DENND1B: variants seen among roughly 807,000 people sequenced by gnomAD.
DENND1B encodes DENN domain-containing protein 1B.
DENND1B carries 59 observed loss-of-function variants against 90.1 expected under a neutral mutation model. That is an observed-to-expected ratio of 0.65 (90% CI 0.53 to 0.81). The LOEUF is 0.81. Ranked by LOEUF, DENND1B falls within the 40% of genes least tolerant of loss-of-function variation. The pLI is 0.00. For synonymous variants in DENND1B, 337 were observed against 324.6 expected, an observed-to-expected ratio of 1.04 and a Z score of -0.41; for missense variants, 862 against 912.6, an observed-to-expected ratio of 0.94 and a Z score of 0.71.
chr1:197,581,186 T>C (rs146956769), intron 15 of DENND1B, among the ~76,000 whole-genome samples: 1,759 of 152,316 alleles, frequency 0.012, 34 homozygotes, highest in African/African-American at 0.041. Flanking sequence ...TTTTTACCAA[T>C]TGACTCTTCT....
intron 6 of DENND1B, among the ~76,000 whole-genome samples, chr1:197,655,693 G>A (rs902376162): frequency 6.6e-6 from 1 of 151,954 alleles, no homozygotes; most frequent in Non-Finnish European, 1.5e-5. Flanking sequence ...CACCACACCC[G>A]GCTAATTTTT....
At chr1:197,530,690 G>C (rs750943646) in intron 20 of DENND1B, among the ~76,000 whole-genome samples, 6 of 152,018 alleles carry the variant, frequency 3.9e-5, no homozygotes. Flanking sequence ...ACAGAGACCT[G>C]GAGTTCAAGA....
At chr1:197,511,019 T>C (rs1168685802) in intron 22 of DENND1B, 47 bp from the exon 23 acceptor site, 1 of 1,431,248 alleles carries the variant, frequency 7.0e-7, no homozygotes, top group East Asian at 2.4e-5. Context: ...TTAATAAGCA[T>C]TAATTTAGTT....
At chr1:197,553,773 C>T (rs1178749094) in intron 15 of DENND1B, among the ~76,000 whole-genome samples, 1 of 152,000 alleles carries the variant, frequency 6.6e-6, no homozygotes, top group Non-Finnish European at 1.5e-5. Context: ...CACTGAATGA[C>T]AGGAATTATG....
intron 2 of DENND1B, 137 bp downstream of exon 2, chr1:197,772,731 G>A: frequency 1.5e-6 from 1 of 673,570 alleles, no homozygotes; most frequent in Non-Finnish European, 2.5e-6. Context: ...AGGCTGAGGT[G>A]GGAGGATCAC....
At chr1:197,644,804 A>G (rs1680589483) in intron 9 of DENND1B, among the ~76,000 whole-genome samples, 1 of 152,214 alleles carries the variant, frequency 6.6e-6, no homozygotes, top group South Asian at 2.1e-4. Context: ...TTTGGAAACC[A>G]AACACTCAGT....
chr1:197,573,267 G>A (rs944131134), intron 15 of DENND1B, among the ~76,000 whole-genome samples: 10 of 151,822 alleles, frequency 6.6e-5, no homozygotes, highest in Admixed American at 6.6e-4. Flanking sequence ...GCTTTCTCTT[G>A]TGGGTATTTA....
intron 10 of DENND1B, among the ~76,000 whole-genome samples, chr1:197,630,091 A>G (rs1238269061): frequency 6.6e-6 from 1 of 152,134 alleles, no homozygotes; most frequent in African/African-American, 2.4e-5. Context: ...TCATTCATTT[A>G]TGGTGGGAAT....
At chr1:197,747,259 T>G (rs190543621) in intron 2 of DENND1B, 1 of 634,188 alleles carries the variant, frequency 1.6e-6, no homozygotes, top group Admixed American at 2.2e-5. Context: ...ACACTCTTCA[T>G]AGGCATTTAC....
rs372276051 is a variant in DENND1B at position 197,545,956 on chromosome 1, T to C, written c.1316A>G (p.Lys439Arg). ...GGALFNTAMT[K>R]ATPAVRTAYK... ...TGCTGTCCGTACAGCAGGGGTTGCTTTGGTCATTGCTGTGTTGAACAGTGC... is the reference window on the plus strand; with the variant it reads ...TGCTGTCCGTACAGCAGGGGTTGCTCTGGTCATTGCTGTGTTGAACAGTGC... The change falls in exon 18 of 23, where the codon AAA (lysine) becomes AGA (arginine). Residue 439 changes from lysine to arginine, a missense_variant. Transcript: ENST00000620048. 8.0e-5 allele frequency: 129 copies of C among 1,607,562 alleles called. No homozygotes were observed. The highest frequency in any genetic ancestry group is 9.8e-5 in the Non-Finnish European group (115 of 1,178,556).
intron 5 of DENND1B, among the ~76,000 whole-genome samples, 194 bp downstream of exon 5, chr1:197,671,843 T>C (rs572511663): frequency 1.3e-5 from 2 of 152,256 alleles, no homozygotes; most frequent in South Asian, 4.1e-4. Flanking sequence ...AAAAATCGAT[T>C]ATTTCAAGGA....
chr1:197,621,594 T>C (rs1678167643), intron 10 of DENND1B, among the ~76,000 whole-genome samples: 1 of 151,420 alleles, frequency 6.6e-6, no homozygotes, highest in African/African-American at 2.4e-5. Context: ...AAATGAAATA[T>C]CATATAGTCT....
At chr1:197,707,376 A>C (rs940473484) in intron 3 of DENND1B, among the ~76,000 whole-genome samples, 11 of 152,000 alleles carry the variant, frequency 7.2e-5, no homozygotes, top group African/African-American at 2.7e-4. Context: ...GATTATAATT[A>C]ACAAGAATTT....
chr1:197,597,406 T>A (rs539737096), intron 13 of DENND1B, among the ~76,000 whole-genome samples: 24 of 151,682 alleles, frequency 1.6e-4, no homozygotes, highest in Middle Eastern at 3.4e-3. Context: ...ATAGTTTTTT[T>A]AAAAGATTTT....
chr1:197,677,416 T>TA (rs917416175), intron 3 of DENND1B, among the ~76,000 whole-genome samples: 1 of 152,146 alleles, frequency 6.6e-6, no homozygotes, highest in African/African-American at 2.4e-5. Context: ...TTCTTTTACT[T>TA]ACGGTCCTTA....
chr1:197,564,395 C>CAAAAAAGAA (rs1672438545), intron 15 of DENND1B, among the ~76,000 whole-genome samples: 1 of 63,156 alleles, frequency 1.6e-5, no homozygotes, highest in Non-Finnish European at 2.7e-5. Context: ...CCTCCACCAG[C>CAAAAAAGAA]AAAAAAAAAA....
In DENND1B at chr1:197,611,889, T is replaced by C. The variant is rs1677212308; in HGVS notation, c.819+42A>G. On this transcript the variant is annotated intron_variant, in intron 12 of 22. Transcript: ENST00000620048. ...CAAAACTGTTTTAACTATTATTTTA[T>C]GAGTTAATTTTATCACTGTCTCATG... 1.9e-6 allele frequency: 3 copies of C among 1,549,256 alleles called. No individual in the cohort carries two copies. The South Asian group carries it at 3.4e-5, about 17-fold the overall frequency.
intron 13 of DENND1B, among the ~76,000 whole-genome samples, chr1:197,600,452 C>A (rs538168791): frequency 1.3e-5 from 2 of 151,772 alleles, no homozygotes; most frequent in South Asian, 2.1e-4. Flanking sequence ...GATATGAATA[C>A]CCCTCTGTGG....
rs192198419 is a variant in DENND1B, at chr1:197,641,801, T to C, written c.672+910A>G. 4.4e-3 allele frequency among the ~76,000 whole-genome samples: 671 copies of C among 152,220 alleles called. 10 individuals are homozygous for C. Among genetic ancestry groups the C allele is most frequent in the African/African-American group, 0.015 (628 of 41,556 alleles). On this transcript the variant is annotated intron_variant, in intron 10 of 22. Coordinates refer to ENST00000620048, the MANE Select transcript of DENND1B (RefSeq NM_001195215.2). Reference sequence around the variant, plus strand: ...CTCACTGTTAAATGTTAAACAGATATCCTACAGAAATCCTGAAACTCCTTC... The same window carrying C: ...CTCACTGTTAAATGTTAAACAGATACCCTACAGAAATCCTGAAACTCCTTC...
Sources: gnomAD v4.1 joint callset for allele counts (sites outside exome capture counted in the v4.1 genomes callset) on GRCh38, gnomAD v4.1.1 for gene constraint, MANE v1.5 for transcripts, NCBI Gene and HGNC (gene_info 2026-07-23, HGNC 2026-07-21) for gene names.